Variants in TARS2 observed in about 807,000 individuals in gnomAD.
TARS2 encodes the protein threonyl-tRNA synthetase 2, mitochondrial, also known as threonine--tRNA ligase, mitochondrial.
TARS2 carries 61 observed loss-of-function variants against 94.4 expected under a neutral mutation model. The ratio of observed to expected loss-of-function variants is 0.65; its 90% CI spans 0.53 to 0.80. The LOEUF is 0.80. Among genes scored for constraint, TARS2 ranks in the 30% least tolerant of loss-of-function variants. The pLI is 0.00. For synonymous variants in TARS2, 359 were observed against 353.4 expected (o/e 1.02, Z -0.18); for missense variants, 704 against 902.5 (o/e 0.78, Z 2.82).
At chr1:150,488,764 ACT>A (rs1459725128) in intron 2 of TARS2, 198 bp from the exon 3 acceptor site, 2 of 577,674 alleles carry the variant, frequency 3.5e-6, no homozygotes, top group African/African-American at 3.7e-5. Flanking sequence ...CTTCTGTCTA[ACT>A]CTATTTTTGT....
Position 150,487,624 on chromosome 1 carries a change from C to T in TARS2, c.66+108C>T. On this transcript the variant is annotated intron_variant, in intron 1 of 17. Transcript: ENST00000369064. ...CACGCCACTCCTCCTCTCCCTGGTCCTCCGAGTCCCCAGAAAAGGACTCGT... is the reference window on the plus strand; with the variant it reads ...CACGCCACTCCTCCTCTCCCTGGTCTTCCGAGTCCCCAGAAAAGGACTCGT... 2.7e-6 allele frequency: 4 copies of T among 1,462,124 alleles called. No homozygotes were observed. In the South Asian group the frequency reaches 3.6e-5, roughly 13 times the overall value. 90.6% of individuals were successfully genotyped at this position (1,462,124 alleles called of 1,614,324 possible). A position where few individuals can be genotyped will look rare whatever the true frequency, so the allele number is the denominator to read the frequency against.
rs1201897720 is a variant in TARS2 at position 150,490,584 on chromosome 1, C to G, written c.388-17C>G. On this transcript the variant is annotated splice_polypyrimidine_tract_variant and intron_variant, in intron 3 of 17. Coordinates refer to ENST00000369064, the MANE Select transcript of TARS2 (RefSeq NM_025150.5). ...GAGAAGTTTATGAACTTGTGAACCC[C>G]TTTTTTGTGAACCCAGGTGTTCTGG... 1 of 1,609,722 alleles carries G rather than the reference C, an allele frequency of 6.2e-7. No homozygotes were observed. The highest frequency in any genetic ancestry group is 1.3e-5 in the African/African-American group (1 of 74,594).
intron 17 of TARS2, 82 bp from the exon 18 acceptor site, chr1:150,506,832 GTC>G: frequency 3.8e-6 from 6 of 1,568,794 alleles, no homozygotes; most frequent in Non-Finnish European, 5.2e-6. Context: ...AAAGATTTAG[GTC>G]TCTCAAGTTT....
intron 4 of TARS2, among the ~76,000 whole-genome samples, 162 bp from the exon 5 acceptor site, chr1:150,491,232 T>A (rs1669368421): frequency 6.6e-6 from 1 of 152,240 alleles, no homozygotes; most frequent in African/African-American, 2.4e-5. Context: ...TAATATCTGT[T>A]ACCTGATATC....
At chr1:150,494,370 C>CAAAAAAA (rs377287320) in intron 7 of TARS2, among the ~76,000 whole-genome samples, 2 of 92,038 alleles carry the variant, frequency 2.2e-5, no homozygotes, top group African/African-American at 3.4e-5. Context: ...GACAACATCT[C>CAAAAAAA]AAAAAAAAAA....
In TARS2 at chr1:150,507,017, G is replaced by C. The variant is rs773862035; in HGVS notation, c.2110G>C (p.Val704Leu). 12 of 1,614,024 alleles carry C rather than the reference G, an allele frequency of 7.4e-6. No homozygotes were observed. In the East Asian group the frequency reaches 2.7e-4, roughly 36 times the overall value. ...WDLPEAVQRL[V>L]ELQNTRVPNA... ...CTTGCCTGAGGCTGTGCAGCGACTG[G>C]TGGAGCTACAGAACACGAGGGTCCC... Residue 704 changes from valine to leucine, a missense_variant, in exon 18 of 18, where the codon GTG becomes CTG. This residue lies in a region of TARS2 where 466 missense variants were observed against 609.5 expected (regional missense o/e 0.76). Transcript: ENST00000369064.
At chr1:150,505,730 T>C in intron 17 of TARS2, 25 bp downstream of exon 17, 2 of 1,595,390 alleles carry the variant, frequency 1.3e-6, no homozygotes, top group Non-Finnish European at 1.7e-6. Flanking sequence ...AGAGCCAATG[T>C]TCTCCCACCT....
intron 1 of TARS2, 107 bp downstream of exon 1, chr1:150,487,623 C>A (rs1669208627): frequency 1.4e-6 from 2 of 1,458,428 alleles, no homozygotes; most frequent in Non-Finnish European, 9.4e-7. Flanking sequence ...TCTCCCTGGT[C>A]CTCCGAGTCC....
At chr1:150,506,596 C>T (rs1670233680) in intron 17 of TARS2, among the ~76,000 whole-genome samples, 1 of 151,274 alleles carries the variant, frequency 6.6e-6, no homozygotes, top group Admixed American at 6.6e-5. Context: ...CACACACACA[C>T]ACACACACAC....
intron 16 of TARS2, among the ~76,000 whole-genome samples, 169 bp downstream of exon 16, chr1:150,505,147 TA>T (rs1223548105): frequency 6.6e-6 from 1 of 152,170 alleles, no homozygotes; most frequent in East Asian, 1.9e-4. Context: ...ATCCTGTATC[TA>T]AAAAATGTGA....
intron 13 of TARS2, among the ~76,000 whole-genome samples, chr1:150,503,542 CATAT>C (rs1289222199): frequency 2.3e-5 from 2 of 85,792 alleles, no homozygotes; most frequent in Non-Finnish European, 4.9e-5. Context: ...AAAAAATACA[CATAT>C]GTGTGTGTGT....
intron 9 of TARS2, 57 bp from the exon 10 acceptor site, chr1:150,497,473 C>A: frequency 6.5e-7 from 1 of 1,549,296 alleles, no homozygotes; most frequent in Non-Finnish European, 8.9e-7. Flanking sequence ...CAGCTGACAC[C>A]CTACCTGCTT....
intron 7 of TARS2, among the ~76,000 whole-genome samples, chr1:150,495,833 C>T (rs898397823): frequency 7.9e-5 from 12 of 152,168 alleles, no homozygotes; most frequent in African/African-American, 2.4e-4. Context: ...CATTGTCCTG[C>T]CTCAGCCTCC....
At chr1:150,506,574 GACAC>G (rs59687878) in intron 17 of TARS2, among the ~76,000 whole-genome samples, 43,287 of 108,856 alleles carry the variant, frequency 0.4, 9,052 homozygotes, top group Non-Finnish European at 0.49. Flanking sequence ...TAATGTCTCT[GACAC>G]ACACACACAC....
chr1:150,495,557 G>T (rs1669626127), intron 7 of TARS2, among the ~76,000 whole-genome samples: 1 of 149,386 alleles, frequency 6.7e-6, no homozygotes, highest in African/African-American at 2.5e-5. Flanking sequence ...CACCACACCT[G>T]GCTAATTTTT....
chr1:150,498,642 A>G lies in TARS2; in HGVS notation c.1379A>G (p.His460Arg). The change falls in exon 11 of 18, where the codon CAC becomes CGC. Residue 460 changes from histidine (H) to arginine (R), a missense_variant. By Grantham distance (29) the His-to-Arg change is conservative. This residue lies in a region of TARS2 where 466 missense variants were observed against 609.5 expected (regional missense o/e 0.76). Transcript: ENST00000369064. ...RLRCFQQDDA[H>R]IFCTTDQLEA... ...CGGTGCTTCCAGCAGGATGACGCTC[A>G]CATCTTCTGTACAACAGATCAGGTG... 1.9e-6 allele frequency: 3 copies of G among 1,612,908 alleles called. No homozygotes were observed. Among genetic ancestry groups the G allele is most frequent in the Non-Finnish European group, 2.5e-6 (3 of 1,179,650 alleles).
chr1:150,489,623 C>G (rs1289177792), intron 3 of TARS2, among the ~76,000 whole-genome samples: 1 of 152,082 alleles, frequency 6.6e-6, no homozygotes, highest in East Asian at 1.9e-4. Flanking sequence ...AAACAGAGAC[C>G]TAAGTAACCA....
At chr1:150,500,154 G>A (rs1164368541) in intron 13 of TARS2, among the ~76,000 whole-genome samples, 3 of 152,124 alleles carry the variant, frequency 2.0e-5, no homozygotes, top group African/African-American at 7.2e-5. Flanking sequence ...TCCAGCCTGG[G>A]TGATAGAGTG....
At chr1:150,504,495 C>T in intron 14 of TARS2, 60 bp downstream of exon 14, 1 of 1,596,728 alleles carries the variant, frequency 6.3e-7, no homozygotes, top group Non-Finnish European at 8.6e-7. Flanking sequence ...GTCCTTCTGC[C>T]TTTGGCCCTA....
Sources: gnomAD v4.1 joint callset for allele counts (sites outside exome capture counted in the v4.1 genomes callset) on GRCh38, gnomAD v4.1.1 for gene constraint, gnomAD v4.1.1 regional missense constraint, MANE v1.5 for transcripts, NCBI Gene and HGNC (gene_info 2026-07-23, HGNC 2026-07-21) for gene names.